MGAT4C: variants seen among roughly 807,000 people sequenced by gnomAD.
The protein encoded by MGAT4C is MGAT4 family member C.
In MGAT4C, 19 loss-of-function variants were observed where a neutral mutation model predicts 40.1. The observed-to-expected ratio is 0.47, with a 90% CI of 0.33 to 0.70. The LOEUF is 0.70. Ranked by LOEUF, MGAT4C falls within the 30% of genes least tolerant of loss-of-function variation. MGAT4C has a pLI of 0.02. For synonymous variants in MGAT4C, 181 were observed against 187.1 expected, an observed-to-expected ratio of 0.97 and a Z score of 0.27; for missense variants, 491 against 563.2, an observed-to-expected ratio of 0.87 and a Z score of 1.30.
chr12:86,092,249 C>A (rs552759012), intron 1 of MGAT4C, among the ~76,000 whole-genome samples: 1 of 152,002 alleles, frequency 6.6e-6, no homozygotes, highest in East Asian at 1.9e-4. Flanking sequence ...GCAATCATGG[C>A]CTTATAGCAT....
chr12:86,675,997 TG>T (rs1463014465), intron 2 of MGAT4C, among the ~76,000 whole-genome samples: 2 of 149,460 alleles, frequency 1.3e-5, no homozygotes, highest in Non-Finnish European at 3.0e-5. Flanking sequence ...TTCATTTCAA[TG>T]AAGTTTATAA....
intron 2 of MGAT4C, among the ~76,000 whole-genome samples, chr12:86,575,684 T>G (rs1960532284): frequency 6.6e-6 from 1 of 151,928 alleles, no homozygotes; most frequent in Non-Finnish European, 1.5e-5. Flanking sequence ...TCCAGGTATC[T>G]CATTGATATG....
At chr12:86,486,376 G>GCACACACACACA (rs59222713) in intron 2 of MGAT4C, among the ~76,000 whole-genome samples, 3 of 139,988 alleles carry the variant, frequency 2.1e-5, no homozygotes, top group Non-Finnish European at 4.6e-5. Flanking sequence ...GATCTATCAT[G>GCACACACACACA]CACACACACA....
At chr12:86,355,088 G>C (rs1393038486) in intron 3 of MGAT4C, among the ~76,000 whole-genome samples, 3 of 152,118 alleles carry the variant, frequency 2.0e-5, no homozygotes, top group African/African-American at 7.2e-5. Context: ...AGTGCTGATT[G>C]GTGCGTTTTT....
chr12:86,181,737 T>C (rs1336203928), intron 1 of MGAT4C, among the ~76,000 whole-genome samples: 9 of 152,070 alleles, frequency 5.9e-5, no homozygotes, highest in Admixed American at 5.9e-4. Context: ...CCAAACCAAA[T>C]GTTTAAAATT....
chr12:86,199,515 T>C (rs1245495579), intron 1 of MGAT4C, among the ~76,000 whole-genome samples: 1 of 152,202 alleles, frequency 6.6e-6, no homozygotes, highest in Non-Finnish European at 1.5e-5. Flanking sequence ...TAAGCATATA[T>C]TAATATTTAA....
intron 3 of MGAT4C, among the ~76,000 whole-genome samples, chr12:86,424,097 A>T (rs1453078168): frequency 6.6e-6 from 1 of 152,214 alleles, no homozygotes; most frequent in Non-Finnish European, 1.5e-5. Flanking sequence ...TCATAGCTTA[A>T]ACTTCATTAA....
chr12:86,238,522 G>A (rs1487317444), intron 1 of MGAT4C, among the ~76,000 whole-genome samples: 1 of 152,010 alleles, frequency 6.6e-6, no homozygotes, highest in African/African-American at 2.4e-5. Flanking sequence ...GTTAGCTGAA[G>A]GGGAAGCTCT....
At chr12:86,699,376 A>C (rs1284316905) in intron 2 of MGAT4C, among the ~76,000 whole-genome samples, 1 of 152,168 alleles carries the variant, frequency 6.6e-6, no homozygotes, top group Non-Finnish European at 1.5e-5. Flanking sequence ...AAATATACGT[A>C]TTTTGATTTA....
intron 2 of MGAT4C, among the ~76,000 whole-genome samples, chr12:86,620,138 G>A (rs1224785783): frequency 6.6e-6 from 1 of 152,070 alleles, no homozygotes; most frequent in Admixed American, 6.6e-5. Context: ...CAACCTCTAT[G>A]GAAAACAGTA....
intron 2 of MGAT4C, among the ~76,000 whole-genome samples, chr12:86,005,523 C>T (rs1376981737): frequency 6.6e-6 from 1 of 152,044 alleles, no homozygotes; most frequent in Non-Finnish European, 1.5e-5. Context: ...AAAGCTGGCC[C>T]AATAATAATT....
intron 2 of MGAT4C, among the ~76,000 whole-genome samples, chr12:86,039,130 TCTCTC>T (rs1891548271): frequency 7.6e-6 from 1 of 131,666 alleles, no homozygotes; most frequent in Non-Finnish European, 1.8e-5. Context: ...ACCCAACCTT[TCTCTC>T]TGGCTGCCCT....
At chr12:86,468,388 T>G (rs1050337567) in intron 2 of MGAT4C, among the ~76,000 whole-genome samples, 1 of 152,098 alleles carries the variant, frequency 6.6e-6, no homozygotes, top group Non-Finnish European at 1.5e-5. Context: ...GTTCTTCATA[T>G]CTTCATTGCT....
chr12:86,619,727 T>A (rs1192560125), intron 2 of MGAT4C, among the ~76,000 whole-genome samples: 1 of 152,060 alleles, frequency 6.6e-6, no homozygotes, highest in Non-Finnish European at 1.5e-5. Flanking sequence ...ATATATTTCA[T>A]CTGTTAAAAA....
intron 3 of MGAT4C, among the ~76,000 whole-genome samples, chr12:85,985,031 C>T (rs1592607558): frequency 6.6e-6 from 1 of 152,144 alleles, no homozygotes; most frequent in Non-Finnish European, 1.5e-5. Context: ...CCACTCACCT[C>T]GGCCTCCCAA....
intron 1 of MGAT4C, among the ~76,000 whole-genome samples, chr12:86,132,818 A>G (rs1016594758): frequency 6.6e-6 from 1 of 151,964 alleles, no homozygotes; most frequent in African/African-American, 2.4e-5. Context: ...AAAAAAGAAA[A>G]AAGAAAAACT....
At chr12:86,685,082 T>C (rs1321137208) in intron 2 of MGAT4C, among the ~76,000 whole-genome samples, 2 of 152,196 alleles carry the variant, frequency 1.3e-5, no homozygotes, top group Non-Finnish European at 2.9e-5. Flanking sequence ...GCAATTGCTT[T>C]TGGTGTTTTA....
chr12:86,200,058 T>C (rs1949982217), intron 1 of MGAT4C, among the ~76,000 whole-genome samples: 1 of 151,824 alleles, frequency 6.6e-6, no homozygotes, highest in Admixed American at 6.6e-5. Context: ...TATATTTATA[T>C]TTCTATTCCC....
At chr12:86,344,740 G>A (rs890343974) in intron 3 of MGAT4C, among the ~76,000 whole-genome samples, 37 of 125,608 alleles carry the variant, frequency 2.9e-4, no homozygotes, top group African/African-American at 9.5e-4. Flanking sequence ...GTGTGTGTGT[G>A]TGTGTGTGTG....
Sources: gnomAD v4.1 joint callset for allele counts (sites outside exome capture counted in the v4.1 genomes callset) on GRCh38, gnomAD v4.1.1 for gene constraint, MANE v1.5 for transcripts, NCBI Gene and HGNC (gene_info 2026-07-23, HGNC 2026-07-21) for gene names.